The following CNBD1 variants were observed in gnomAD, a reference collection of about 807,000 sequenced individuals.
The protein encoded by CNBD1 is cyclic nucleotide-binding domain-containing protein 1.
A neutral mutation model predicts 54.4 loss-of-function variants in CNBD1; 71 were observed. The observed-to-expected ratio is 1.30, with a 90% CI of 1.08 to 1.59. The LOEUF is 1.59. CNBD1 is among the 40% of genes most tolerant of loss of function. The probability of loss-of-function intolerance (pLI) is 0.00; values close to 1 mark genes in which losing one functional copy is unlikely to be tolerated. For synonymous variants in CNBD1, 182 were observed against 170.7 expected, an observed-to-expected ratio of 1.07 and a Z score of -0.51; for missense variants, 659 against 518.0, an observed-to-expected ratio of 1.27 and a Z score of -2.64.
chr8:87,421,256 T>A (rs1042838866), intron 2 of CNBD1, among the ~76,000 whole-genome samples: 1 of 151,340 alleles, frequency 6.6e-6, no homozygotes, highest in African/African-American at 2.4e-5. Flanking sequence ...TGTTCATTTT[T>A]TATTTTTTAT....
At chr8:87,196,302 T>A (rs1813721694) in intron 4 of CNBD1, among the ~76,000 whole-genome samples, 1 of 152,178 alleles carries the variant, frequency 6.6e-6, no homozygotes, top group African/African-American at 2.4e-5. Context: ...AGAGCAAAGA[T>A]TTTTTGGTTT....
At chr8:86,937,501 T>C (rs939590295) in intron 3 of CNBD1, among the ~76,000 whole-genome samples, 7 of 152,190 alleles carry the variant, frequency 4.6e-5, no homozygotes, top group Admixed American at 6.5e-5. Context: ...AAGTCTCATC[T>C]GAGACAAGGC....
chr8:86,960,308 C>G (rs967313304), intron 4 of CNBD1, among the ~76,000 whole-genome samples: 1 of 152,142 alleles, frequency 6.6e-6, no homozygotes, highest in Non-Finnish European at 1.5e-5. Flanking sequence ...TTCCAAGAGT[C>G]TTAGCAAACG....
chr8:87,332,182 T>C (rs939667580), intron 8 of CNBD1, among the ~76,000 whole-genome samples: 2 of 152,102 alleles, frequency 1.3e-5, no homozygotes. Context: ...ACCCCGTCTC[T>C]ATTAAAAATA....
Position 87,073,077 on chromosome 8 carries a change from G to A in CNBD1, c.432-132916G>A, listed in dbSNP as rs185352451. Among the ~76,000 whole-genome samples, 430 of 151,422 alleles carry A rather than the reference G, an allele frequency of 2.8e-3. 5 individuals carry two copies. The highest frequency in any genetic ancestry group is 7.6e-3 in the Admixed American group (115 of 15,206). On this transcript the variant is annotated intron_variant, in intron 4 of 10. Transcript: ENST00000518476. ...TCCAGAAAGATAGTCTTCAAGTTCT[G>A]CGATTCCTTCCTCTGCTTGTTGTAT...
chr8:87,187,717 T>A (rs996023587), intron 4 of CNBD1, among the ~76,000 whole-genome samples: 21 of 152,132 alleles, frequency 1.4e-4, no homozygotes, highest in African/African-American at 5.1e-4. Flanking sequence ...ACCCTTAAGT[T>A]CACTAAATAT....
At chr8:86,886,752 CTT>C (rs1808686041) in intron 1 of CNBD1, among the ~76,000 whole-genome samples, 1 of 152,136 alleles carries the variant, frequency 6.6e-6, no homozygotes, top group African/African-American at 2.4e-5. Flanking sequence ...TTCTCAATAA[CTT>C]TTCACTAAAG....
intron 4 of CNBD1, among the ~76,000 whole-genome samples, chr8:87,078,339 A>G (rs1810917472): frequency 6.6e-6 from 1 of 152,230 alleles, no homozygotes; most frequent in South Asian, 2.1e-4. Context: ...TAATAAAATA[A>G]TGTTAATGTC....
chr8:87,188,748 CAAAAAA>C (rs1166114088), intron 4 of CNBD1, among the ~76,000 whole-genome samples: 8 of 89,180 alleles, frequency 9.0e-5, no homozygotes, highest in Non-Finnish European at 6.8e-5. Context: ...GACTCCATCT[CAAAAAA>C]AAAAAAAAAT....
chr8:86,971,017 A>C (rs1016159220), intron 4 of CNBD1, among the ~76,000 whole-genome samples: 1 of 152,180 alleles, frequency 6.6e-6, no homozygotes, highest in Non-Finnish European at 1.5e-5. Flanking sequence ...ATGTCCTTGG[A>C]CATTTCAATT....
chr8:87,259,385 A>G (rs1218057489), intron 6 of CNBD1, among the ~76,000 whole-genome samples: 1 of 152,226 alleles, frequency 6.6e-6, no homozygotes, highest in African/African-American at 2.4e-5. Context: ...TTCAAAAGTT[A>G]AAGCAGTTTA....
chr8:87,233,561 C>T (rs2130822998), intron 5 of CNBD1, among the ~76,000 whole-genome samples: 1 of 152,288 alleles, frequency 6.6e-6, no homozygotes, highest in South Asian at 2.1e-4. Context: ...AGTGGAGGGT[C>T]TTGCCTCAAT....
chr8:87,087,066 T>C (rs1053323811), intron 4 of CNBD1, among the ~76,000 whole-genome samples: 1 of 151,728 alleles, frequency 6.6e-6, no homozygotes, highest in African/African-American at 2.4e-5. Context: ...GGATGCAGTG[T>C]ACTTCTTGGA....
intron 10 of CNBD1, among the ~76,000 whole-genome samples, chr8:87,369,883 C>G (rs1012329392): frequency 1.3e-5 from 2 of 151,994 alleles, no homozygotes; most frequent in African/African-American, 4.8e-5. Context: ...CCCACTCCCC[C>G]GACCCCACAA....
intron 4 of CNBD1, among the ~76,000 whole-genome samples, chr8:87,092,560 C>CAT (rs1811239043): frequency 3.4e-5 from 1 of 29,422 alleles, no homozygotes; most frequent in South Asian, 1.9e-3. Context: ...TATATATACA[C>CAT]ATATGTGTGT....
intron 3 of CNBD1, among the ~76,000 whole-genome samples, chr8:86,923,119 G>A (rs957684772): frequency 1.3e-5 from 2 of 152,166 alleles, no homozygotes; most frequent in African/African-American, 2.4e-5. Context: ...ACAAAACAGC[G>A]AAGGCAGTGA....
Position 87,057,681 on chromosome 8 carries a change from C to T in CNBD1, c.431+117927C>T, listed in dbSNP as rs548418806. Among the ~76,000 whole-genome samples the T allele has an allele frequency of 8.6e-5, 13 of 152,038 alleles. 1 individual carries two copies. The highest frequency in any genetic ancestry group is 2.4e-4 in the African/African-American group (10 of 41,494). ...ATGGCCAACATGGTGAAACCCTGTC[C>T]CTACTAATAATACAAAAATTAGCTG... is the stretch of plus-strand genomic sequence containing the variant. On this transcript the variant is annotated intron_variant, in intron 4 of 10. Transcript: ENST00000518476.
intron 6 of CNBD1, among the ~76,000 whole-genome samples, chr8:87,258,878 T>C (rs1808076901): frequency 6.6e-6 from 1 of 152,190 alleles, no homozygotes; most frequent in African/African-American, 2.4e-5. Context: ...TTAGTGAATA[T>C]TTTCACACAG....
chr8:86,890,454 A>T (rs896706578), intron 2 of CNBD1, among the ~76,000 whole-genome samples: 1 of 152,166 alleles, frequency 6.6e-6, no homozygotes, highest in Non-Finnish European at 1.5e-5. Flanking sequence ...TCCACTGTGC[A>T]TAAGTACCAC....
Sources: allele counts gnomAD v4.1 joint callset (sites outside exome capture counted in the v4.1 genomes callset), GRCh38; gene constraint gnomAD v4.1.1; transcripts MANE v1.5; gene names NCBI Gene and HGNC (gene_info 2026-07-23, HGNC 2026-07-21).